PRORP: variants seen among roughly 807,000 people sequenced by gnomAD.
PRORP encodes the protein protein only RNase P catalytic subunit.
PRORP carries 51 observed loss-of-function variants against 59.4 expected under a neutral mutation model. The ratio of observed to expected loss-of-function variants is 0.86; its 90% CI spans 0.69 to 1.08. PRORP has a LOEUF of 1.08. Ranked by LOEUF, PRORP falls within the 50% of genes least tolerant of loss-of-function variation. The pLI is 0.00. For missense variants in PRORP, 646 were observed against 690.3 expected (o/e 0.94, Z 0.72); for synonymous variants, 231 against 245.6 (o/e 0.94, Z 0.55).
At chr14:35,242,220 A>G (rs2050385968) in intron 5 of PRORP, among the ~76,000 whole-genome samples, 1 of 152,210 alleles carries the variant, frequency 6.6e-6, no homozygotes, top group African/African-American at 2.4e-5. Context: ...AGTAGTACCT[A>G]TCATATGTAG....
rs576855221 is a variant in PRORP, at chr14:35,124,871, C to CT, written c.986+654dup. Among the ~76,000 whole-genome samples the CT allele has an allele frequency of 7.7e-3, 1,067 of 139,350 alleles. 1 individual carries two copies. The highest frequency in any genetic ancestry group is 0.011 in the Middle Eastern group (3 of 276). The allele number at this position is 139,350 out of a possible 152,430, so 91.4% of individuals were successfully genotyped here. On this transcript the variant is annotated intron_variant, in intron 2 of 7. Coordinates refer to ENST00000534898, the MANE Select transcript of PRORP (RefSeq NM_014672.4). Reference sequence around the variant, plus strand: ...TATATTTATTCTGTCTACTCTCTCCCTTTTTTTTTTTTTTGAGACGGAGTT... The same window carrying CT: ...TATATTTATTCTGTCTACTCTCTCCCTTTTTTTTTTTTTTTGAGACGGAGTT...
chr14:35,243,060 C>T (rs2050403154), intron 5 of PRORP, among the ~76,000 whole-genome samples: 1 of 152,130 alleles, frequency 6.6e-6, no homozygotes, highest in African/African-American at 2.4e-5. Flanking sequence ...GAATTTATGT[C>T]TTGTTTATCC....
intron 5 of PRORP, among the ~76,000 whole-genome samples, chr14:35,200,182 TTTTGTTTG>T (rs149290991): frequency 6.6e-6 from 1 of 151,846 alleles, no homozygotes; most frequent in African/African-American, 2.4e-5. Context: ...ATGCAAAATT[TTTTGTTTG>T]TTTGTTTGTT....
chr14:35,189,644 G>A (rs2048832669), intron 5 of PRORP, among the ~76,000 whole-genome samples: 1 of 152,074 alleles, frequency 6.6e-6, no homozygotes, highest in South Asian at 2.1e-4. Flanking sequence ...CTAGCCACAA[G>A]GTTAGGCTAA....
chr14:35,160,890 A>G (rs897300545), intron 4 of PRORP, among the ~76,000 whole-genome samples: 1 of 152,354 alleles, frequency 6.6e-6, no homozygotes, highest in Middle Eastern at 3.4e-3. Context: ...ATACATGCAT[A>G]CTACAAAGGG....
In PRORP at chr14:35,123,484, C is replaced by T; in HGVS notation, c.239C>T (p.Ser80Phe). ...KDEGSNKQVYSVPHFFLAGAA... is the reference protein window; with the variant it reads ...KDEGSNKQVYFVPHFFLAGAA... Reference sequence around the variant, plus strand: ...GAGGGCAGTAATAAGCAAGTTTATTCTGTTCCTCATTTTTTTTTAGCTGGA... The same window carrying T: ...GAGGGCAGTAATAAGCAAGTTTATTTTGTTCCTCATTTTTTTTTAGCTGGA... Residue 80 changes from serine to phenylalanine, a missense_variant, in exon 2 of 8, where the codon TCT (serine) becomes TTT (phenylalanine). Physicochemically the swap from Ser to Phe is radical, Grantham distance 155 (BLOSUM62 -2). Coordinates refer to ENST00000534898, the MANE Select transcript of PRORP (RefSeq NM_014672.4). The T allele has an allele frequency of 6.2e-7, 1 of 1,614,164 alleles. No individual in the cohort carries two copies. The highest frequency in any genetic ancestry group is 1.1e-5 in the South Asian group (1 of 91,084).
chr14:35,152,583 G>T (rs2047791098), intron 4 of PRORP, among the ~76,000 whole-genome samples: 1 of 151,648 alleles, frequency 6.6e-6, no homozygotes, highest in Non-Finnish European at 1.5e-5. Flanking sequence ...TCCCGGACGG[G>T]GCGGCTGGCC....
chr14:35,193,834 C>T (rs2048944954), intron 5 of PRORP, among the ~76,000 whole-genome samples: 1 of 152,206 alleles, frequency 6.6e-6, no homozygotes, highest in Middle Eastern at 3.4e-3. Flanking sequence ...ATAATTGTTT[C>T]TCCCGTTTAA....
intron 5 of PRORP, among the ~76,000 whole-genome samples, chr14:35,188,095 G>A (rs1175908411): frequency 6.6e-6 from 1 of 151,510 alleles, no homozygotes; most frequent in African/African-American, 2.4e-5. Flanking sequence ...GCCTCCCAAA[G>A]TGTGGGGCTT....
At chr14:35,184,403 G>T (rs2048693171) in intron 5 of PRORP, among the ~76,000 whole-genome samples, 1 of 152,036 alleles carries the variant, frequency 6.6e-6, no homozygotes, top group Non-Finnish European at 1.5e-5. Context: ...AGATTTATTG[G>T]TGACTGTCAT....
intron 6 of PRORP, among the ~76,000 whole-genome samples, chr14:35,267,957 G>A (rs555537388): frequency 6.6e-6 from 1 of 152,278 alleles, no homozygotes; most frequent in South Asian, 2.1e-4. Context: ...AGACAAGCAA[G>A]AGGCCTAGAT....
chr14:35,262,789 T>C lies in PRORP; in HGVS notation c.1276-3938T>C. The stretch of plus-strand genomic sequence containing the variant: ...GTCGTTATCCAGGAGAATGGGTCTC[T>C]TGTTGAAATCTGAAATTTCTTGGGT... On this transcript the variant is annotated intron_variant, in intron 5 of 7. Coordinates refer to ENST00000534898, the MANE Select transcript of PRORP (RefSeq NM_014672.4). 6.9e-6 allele frequency: 9 copies of C among 1,295,114 alleles called. No individual in the cohort carries two copies. In the East Asian group the frequency reaches 1.8e-4, roughly 26 times the overall value. The allele number at this position is 1,295,114 out of a possible 1,614,324, so 80.2% of individuals were successfully genotyped here.
intron 5 of PRORP, among the ~76,000 whole-genome samples, chr14:35,216,641 A>G (rs181557023): frequency 9.3e-4 from 141 of 152,034 alleles, no homozygotes; most frequent in Non-Finnish European, 1.7e-3. Flanking sequence ...ATGTGTTTTT[A>G]TTTCTCTTTA....
intron 4 of PRORP, among the ~76,000 whole-genome samples, chr14:35,151,633 CACACAT>C (rs1456700504): frequency 2.3e-4 from 27 of 115,084 alleles, no homozygotes; most frequent in Admixed American, 4.0e-4. Context: ...ATGCTACACA[CACACAT>C]ACACACACAC....
intron 4 of PRORP, among the ~76,000 whole-genome samples, chr14:35,176,350 A>G (rs2048449511): frequency 6.6e-6 from 1 of 152,108 alleles, no homozygotes; most frequent in Admixed American, 6.5e-5. Flanking sequence ...CATTTTCACA[A>G]TACTGATTCT....
intron 4 of PRORP, among the ~76,000 whole-genome samples, chr14:35,150,844 GAGT>G (rs1167526589): frequency 6.6e-6 from 1 of 152,182 alleles, no homozygotes; most frequent in Admixed American, 6.5e-5. Flanking sequence ...GTTTTGTGTG[GAGT>G]AGTGTGCTAG....
At chr14:35,138,884 G>A (rs2047426905) in intron 4 of PRORP, among the ~76,000 whole-genome samples, 1 of 144,652 alleles carries the variant, frequency 6.9e-6, no homozygotes, top group Non-Finnish European at 1.5e-5. Context: ...TCTGTCTCCT[G>A]GGTTCACATG....
At chr14:35,234,643 C>G (rs2050161327) in intron 5 of PRORP, among the ~76,000 whole-genome samples, 1 of 150,024 alleles carries the variant, frequency 6.7e-6, no homozygotes, top group African/African-American at 2.4e-5. Context: ...TTAACTCTCT[C>G]AAATCCTTTC....
In PRORP at chr14:35,255,700, G is replaced by A. The variant is rs138553607; in HGVS notation, c.1276-11027G>A. Among the ~76,000 whole-genome samples, 1,145 of 152,272 alleles carry A rather than the reference G, an allele frequency of 7.5e-3. 21 individuals carry two copies. The highest frequency in any genetic ancestry group is 0.058 in the South Asian group (281 of 4,822). ...AGCCTCTAGATTCAACTACCAGTTT[G>A]CAAGAAGCATAGAAGACTGGAGACT... On this transcript the variant is annotated intron_variant, in intron 5 of 7. Coordinates refer to ENST00000534898, the MANE Select transcript of PRORP (RefSeq NM_014672.4).
Sources: allele counts gnomAD v4.1 joint callset (sites outside exome capture counted in the v4.1 genomes callset), GRCh38; gene constraint gnomAD v4.1.1; transcripts MANE v1.5; gene names NCBI Gene and HGNC (gene_info 2026-07-23, HGNC 2026-07-21).